ZNF462: variants seen among roughly 807,000 people sequenced by gnomAD.
ZNF462 encodes zinc finger protein 462.
A neutral mutation model predicts 201.9 loss-of-function variants in ZNF462; 10 were observed. The ratio of observed to expected loss-of-function variants is 0.05; its 90% CI spans 0.03 to 0.08. The LOEUF (loss-of-function observed/expected upper bound fraction) is 0.08, where lower values mean the gene tolerates loss of function less well. Ranked by LOEUF, ZNF462 falls within the 10% of genes least tolerant of loss-of-function variation. ZNF462 has a pLI of 1.00. For synonymous variants in ZNF462, 1,227 were observed against 1,193.3 expected (o/e 1.03, Z -0.58); for missense variants, 2,523 against 3,168.3 (o/e 0.80, Z 4.89).
chr9:106,862,621 ACCT>A (rs779599754), upstream of ZNF462, among the ~76,000 whole-genome samples: 79 of 147,198 alleles, frequency 5.4e-4, no homozygotes, highest in Admixed American at 8.1e-4. The surrounding 1 kb of genome is among the most constrained non-coding windows in gnomAD (Gnocchi z 4.2). Flanking sequence ...TGCCGCCGCC[ACCT>A]CCTCCTCTTG....
intron 7 of ZNF462, among the ~76,000 whole-genome samples, chr9:106,947,608 A>T (rs1000637917): frequency 2.6e-5 from 4 of 152,220 alleles, no homozygotes; most frequent in Non-Finnish European, 2.9e-5. Context: ...ATTGCCTTAA[A>T]TATGTCATCT....
intron 1 of ZNF462, among the ~76,000 whole-genome samples, chr9:106,907,158 A>T (rs1297653500): frequency 2.0e-5 from 3 of 152,038 alleles, no homozygotes; most frequent in African/African-American, 7.2e-5. Flanking sequence ...TTGATCTTGG[A>T]GGGATATTTG....
rs1048852160 is a variant in ZNF462 at position 106,968,978 on chromosome 9, G to C, written c.6428-3027G>C. 1.3e-5 allele frequency among the ~76,000 whole-genome samples: 2 copies of C among 152,048 alleles called. No homozygotes were observed. The highest frequency in any genetic ancestry group is 2.4e-5 in the African/African-American group (1 of 41,364). ...GGAATTTTATGTAGCTTAGCAAGTG[G>C]GCTTTTTAAAGATCGGTGGAATGAT... On this transcript the variant is annotated intron_variant, in intron 7 of 12. Coordinates refer to ENST00000277225, the MANE Select transcript of ZNF462 (RefSeq NM_021224.6). The surrounding 1 kb of genome is among the most constrained non-coding windows in gnomAD (Gnocchi z 4.0).
rs1404651307 is a variant in ZNF462, at chr9:107,011,958, AAC to A, written c.*932_*933del. 1 of 152,114 alleles carries A rather than the reference AAC, an allele frequency of 6.6e-6. No individual in the cohort carries two copies. Among genetic ancestry groups the A allele is most frequent in the African/African-American group, 2.4e-5 (1 of 41,436 alleles). 9.4% of individuals were successfully genotyped at this position (152,114 alleles called of 1,614,324 possible). On this transcript the variant is annotated 3_prime_UTR_variant, in exon 13 of 13. Coordinates refer to ENST00000277225, the MANE Select transcript of ZNF462 (RefSeq NM_021224.6). The surrounding 1 kb of genome is among the most constrained non-coding windows in gnomAD (Gnocchi z 5.6). ...ATTTTCTATCAATTTGAGTGTTACAAACACAGCACAATTCAGTTTTTCATATG... is the reference window on the plus strand; with the variant it reads ...ATTTTCTATCAATTTGAGTGTTACAAACAGCACAATTCAGTTTTTCATATG...
chr9:106,925,971 T>C lies in ZNF462; in HGVS notation c.2059T>C (p.Leu687=), dbSNP rs758094814. Residue 687 remains leucine (L), a synonymous_variant, in exon 3 of 13, where the codon TTG becomes CTG. Transcript: ENST00000277225. This position sits in a 1 kb window ranked among gnomAD's most constrained non-coding sequence, Gnocchi z 7.9. The stretch of plus-strand genomic sequence containing the variant: ...GCTCGCCAATGACTTTCCTCTAGAT[T>C]TGTCACCCGTGAAGAAGAGAACCAG... ...RKLANDFPLD[L]SPVKKRTRID... The C allele has an allele frequency of 2.5e-6, 4 of 1,614,128 alleles. No homozygotes were observed. The highest frequency in any genetic ancestry group is 1.1e-5 in the South Asian group (1 of 91,058).
intron 1 of ZNF462, among the ~76,000 whole-genome samples, chr9:106,901,724 G>T (rs1829072333): frequency 6.6e-6 from 1 of 152,100 alleles, no homozygotes; most frequent in African/African-American, 2.4e-5. Flanking sequence ...CTGCTTGGCT[G>T]CTGTTGGTGT....
Position 106,932,056 on chromosome 9 carries a change from A to G in ZNF462, c.6013-390A>G, listed in dbSNP as rs1830447352. Among the ~76,000 whole-genome samples the G allele has an allele frequency of 6.6e-6, 1 of 152,150 alleles. No homozygotes were observed. On this transcript the variant is annotated intron_variant, in intron 4 of 12. Coordinates refer to ENST00000277225, the MANE Select transcript of ZNF462 (RefSeq NM_021224.6). The surrounding 1 kb of genome is among the most constrained non-coding windows in gnomAD (Gnocchi z 6.8). ...AAACAGTAGCAACCTGTGTCCGGGTATGTTGTCCTAAAATCACCTCCACTG... is the reference window on the plus strand; with the variant it reads ...AAACAGTAGCAACCTGTGTCCGGGTGTGTTGTCCTAAAATCACCTCCACTG...
intron 1 of ZNF462, among the ~76,000 whole-genome samples, chr9:106,899,230 G>GTT (rs1479825895): frequency 8.7e-5 from 6 of 69,220 alleles, no homozygotes; most frequent in Non-Finnish European, 1.8e-4. Flanking sequence ...GTGTGTATGT[G>GTT]TGTGTGTGTG....
At chr9:106,931,196 C>T (rs754204943) in intron 4 of ZNF462, among the ~76,000 whole-genome samples, 6 of 152,110 alleles carry the variant, frequency 3.9e-5, no homozygotes, top group African/African-American at 1.4e-4. Context: ...GCGTTCAAGT[C>T]GCAATTGACC....
At chr9:106,874,145 A>G (rs1827722912) in intron 1 of ZNF462, among the ~76,000 whole-genome samples, 1 of 152,202 alleles carries the variant, frequency 6.6e-6, no homozygotes, top group Non-Finnish European at 1.5e-5. Context: ...TAAAGTGAAC[A>G]ATTGAACTGT....
chr9:106,864,082 C>CTCTG (rs1564062559), intron 1 of ZNF462, among the ~76,000 whole-genome samples: 1 of 138,320 alleles, frequency 7.2e-6, no homozygotes, highest in Non-Finnish European at 1.6e-5. Flanking sequence ...CTCTCTCTCT[C>CTCTG]TCTCTCTCTC....
Position 106,950,636 on chromosome 9 carries a change from A to T in ZNF462, c.6427+11529A>T, listed in dbSNP as rs934277674. On this transcript the variant is annotated intron_variant, in intron 7 of 12. Coordinates refer to ENST00000277225, the MANE Select transcript of ZNF462 (RefSeq NM_021224.6). The surrounding 1 kb of genome is among the most constrained non-coding windows in gnomAD (Gnocchi z 4.1). ...AAACCACAGGCAGACAGTGAAGTGT[A>T]AGTGCAGTTCCCTATTAGCACATTA... Among the ~76,000 whole-genome samples, 4 of 152,202 alleles carry T rather than the reference A, an allele frequency of 2.6e-5. No individual in the cohort carries two copies. The highest frequency in any genetic ancestry group is 5.9e-5 in the Non-Finnish European group (4 of 68,030).
chr9:106,997,172 A>G (rs1828799355), intron 10 of ZNF462, among the ~76,000 whole-genome samples: 1 of 152,110 alleles, frequency 6.6e-6, no homozygotes, highest in Non-Finnish European at 1.5e-5. Context: ...AAGGTGTACA[A>G]TGTGATGGTT....
chr9:106,969,523 G>A (rs943468496), intron 7 of ZNF462, among the ~76,000 whole-genome samples: 2 of 152,136 alleles, frequency 1.3e-5, no homozygotes, highest in African/African-American at 2.4e-5. Flanking sequence ...TGTTGAGTTG[G>A]GGGTGGATGG....
In ZNF462 at chr9:106,972,326, C is replaced by T; in HGVS notation, c.6695+54C>T. ...AACAAGGCGGCCGCCCCTGCTCCAC[C>T]CCTCACTGCAGGCTTCCCTTACACT... On this transcript the variant is annotated intron_variant, in intron 8 of 12. Coordinates refer to ENST00000277225, the MANE Select transcript of ZNF462 (RefSeq NM_021224.6). The surrounding 1 kb of genome is among the most constrained non-coding windows in gnomAD (Gnocchi z 4.8). 6.4e-7 allele frequency: 1 copy of T among 1,573,462 alleles called. No individual in the cohort carries two copies. Among genetic ancestry groups the T allele is most frequent in the South Asian group, 1.2e-5 (1 of 82,950 alleles).
rs1391379410 is a variant in ZNF462 at position 107,003,553 on chromosome 9, A to G, written c.7189+127A>G. On this transcript the variant is annotated intron_variant, in intron 11 of 12. Coordinates refer to ENST00000277225, the MANE Select transcript of ZNF462 (RefSeq NM_021224.6). The surrounding 1 kb of genome is among the most constrained non-coding windows in gnomAD (Gnocchi z 4.4). ...ATCCTTCTTAGTTAAGTAGCAGAACAGACTGACTTAGAAAACACATCAAGA... is the reference window on the plus strand; with the variant it reads ...ATCCTTCTTAGTTAAGTAGCAGAACGGACTGACTTAGAAAACACATCAAGA... The G allele has an allele frequency of 8.2e-7, 1 of 1,222,698 alleles. No homozygotes were observed. The highest frequency in any genetic ancestry group is 1.1e-6 in the Non-Finnish European group (1 of 917,746). The allele number at this position is 1,222,698 out of a possible 1,614,324, so 75.7% of individuals were successfully genotyped here.
chr9:106,864,343 C>T (rs1337124073), intron 1 of ZNF462, among the ~76,000 whole-genome samples: 2 of 151,864 alleles, frequency 1.3e-5, no homozygotes, highest in Non-Finnish European at 2.9e-5. Context: ...ACGCTTGGCT[C>T]TCCTCTGAGG....
chr9:106,949,474 A>C (rs1186822316), intron 7 of ZNF462, among the ~76,000 whole-genome samples: 2 of 152,204 alleles, frequency 1.3e-5, no homozygotes, highest in African/African-American at 4.8e-5. Context: ...TGCACTTTTC[A>C]TGCATCATTC....
At chr9:106,869,322 G>T (rs918245936) in intron 1 of ZNF462, among the ~76,000 whole-genome samples, 8 of 152,150 alleles carry the variant, frequency 5.3e-5, no homozygotes, top group Non-Finnish European at 1.0e-4. Flanking sequence ...CAACTCTCTT[G>T]CAGACTAATG....
Sources: allele counts gnomAD v4.1 joint callset (sites outside exome capture counted in the v4.1 genomes callset), GRCh38; gene constraint gnomAD v4.1.1; non-coding constraint Gnocchi (gnomAD v3.1); transcripts MANE v1.5; gene names NCBI Gene and HGNC (gene_info 2026-07-23, HGNC 2026-07-21).